Variants in ETNPPL observed in about 807,000 individuals in gnomAD.
ETNPPL encodes the protein alanine--glyoxylate aminotransferase 2-like 1.
A neutral mutation model predicts 55.5 loss-of-function variants in ETNPPL; 30 were observed. The observed-to-expected ratio is 0.54, with a 90% CI of 0.40 to 0.73. ETNPPL has a LOEUF of 0.73. ETNPPL is among the 30% of genes least tolerant of loss of function. The probability of loss-of-function intolerance (pLI) is 0.00; values close to 1 mark genes in which losing one functional copy is unlikely to be tolerated. For missense variants in ETNPPL, 528 were observed against 607.9 expected, an observed-to-expected ratio of 0.87 and a Z score of 1.38; for synonymous variants, 202 against 207.2, an observed-to-expected ratio of 0.98 and a Z score of 0.21.
Position 108,746,797 on chromosome 4 carries a change from G to A in ETNPPL, c.1137C>T (p.Thr379=). ...TGTGCTGAGCTTCAGCTGTGGCAGGGGTCCTTTTCAGATGGTCCTTCACTA... is the reference window on the plus strand; with the variant it reads ...TGTGCTGAGCTTCAGCTGTGGCAGGAGTCCTTTTCAGATGGTCCTTCACTA... The part of the protein sequence containing the change: ...IDLVKDHLKR[T]PATAEAQHII... The change falls in exon 10 of 13, where the codon ACC becomes ACT. Residue 379 remains threonine (T), a synonymous_variant. Transcript: ENST00000296486. 1 of 1,613,654 alleles carries A rather than the reference G, an allele frequency of 6.2e-7. No individual in the cohort carries two copies. Among genetic ancestry groups the A allele is most frequent in the South Asian group, 1.1e-5 (1 of 91,060 alleles).
At chr4:108,750,484 C>T (rs182698842) in intron 7 of ETNPPL, among the ~76,000 whole-genome samples, 1 of 133,714 alleles carries the variant, frequency 7.5e-6, no homozygotes, top group African/African-American at 2.9e-5. Flanking sequence ...TAAGTTAATA[C>T]TTAATACCGC....
At chr4:108,749,130 G>T in intron 8 of ETNPPL, 108 bp downstream of exon 8, 1 of 730,936 alleles carries the variant, frequency 1.4e-6, no homozygotes, top group South Asian at 1.9e-5. Flanking sequence ...CAGAGTTCTG[G>T]GTGGTTAGCC....
chr4:108,754,229 C>T (rs182411011), intron 5 of ETNPPL, among the ~76,000 whole-genome samples: 267 of 152,122 alleles, frequency 1.8e-3, no homozygotes, highest in African/African-American at 5.9e-3. Context: ...CCGCCCACCT[C>T]GGCCTCCCAA....
chr4:108,754,774 A>T, intron 4 of ETNPPL, 64 bp from the exon 5 acceptor site: 3 of 987,334 alleles, frequency 3.0e-6, no homozygotes, highest in Non-Finnish European at 4.8e-6. Context: ...TTTCAAGTAT[A>T]TGAAAACCAG....
chr4:108,743,757 T>A lies in ETNPPL; in HGVS notation c.1371+32A>T, dbSNP rs911259455. ...TTAAACATTCCCCAAATTTTAAACT[T>A]TCCCCCTAAAAATAAAGTAGCCAAC... On this transcript the variant is annotated intron_variant, in intron 12 of 12. Transcript: ENST00000296486. 14 of 1,470,402 alleles carry A rather than the reference T, an allele frequency of 9.5e-6. No individual in the cohort carries two copies. The East Asian group carries it at 2.9e-4, about 31-fold the overall frequency. 91.1% of individuals were successfully genotyped at this position (1,470,402 alleles called of 1,614,324 possible).
Position 108,753,023 on chromosome 4 carries a change from A to G in ETNPPL, c.502-12T>C. 6.8e-7 allele frequency: 1 copy of G among 1,472,230 alleles called. No individual in the cohort carries two copies. Among genetic ancestry groups the G allele is most frequent in the Non-Finnish European group, 9.4e-7 (1 of 1,062,906 alleles). The allele number at this position is 1,472,230 out of a possible 1,614,324, so 91.2% of individuals were successfully genotyped here. On this transcript the variant is annotated splice_polypyrimidine_tract_variant and intron_variant, in intron 5 of 12. Coordinates refer to ENST00000296486, the MANE Select transcript of ETNPPL (RefSeq NM_031279.4). ...TCTGGAGTTGGTGCCTGAAAACATC[A>G]AATAATGCAGTTGCTTGTAATTTGC...
Position 108,746,809 on chromosome 4 carries a change from A to T in ETNPPL, c.1125T>A (p.His375Gln). The stretch of plus-strand genomic sequence containing the variant: ...CAGCTGTGGCAGGGGTCCTTTTCAG[A>T]TGGTCCTTCACTAAATCAATTCCAA... ...LFIGIDLVKDHLKRTPATAEA... is the reference protein window; with the variant it reads ...LFIGIDLVKDQLKRTPATAEA... Residue 375 changes from histidine to glutamine, a missense_variant, in exon 10 of 13, where the codon CAT (histidine) becomes CAA (glutamine). Physicochemically the swap from His to Gln is conservative, Grantham distance 24. Transcript: ENST00000296486. 1 of 1,613,944 alleles carries T rather than the reference A, an allele frequency of 6.2e-7. No individual in the cohort carries two copies. Among genetic ancestry groups the T allele is most frequent in the Non-Finnish European group, 8.5e-7 (1 of 1,179,972 alleles).
At chr4:108,742,700 A>C in intron 12 of ETNPPL, 88 bp from the exon 13 acceptor site, 1 of 1,489,338 alleles carries the variant, frequency 6.7e-7, no homozygotes, top group Non-Finnish European at 9.3e-7. Context: ...CACACAAACA[A>C]AGGACACAGA....
intron 3 of ETNPPL, among the ~76,000 whole-genome samples, chr4:108,757,290 T>C (rs1286202146): frequency 6.6e-6 from 1 of 152,232 alleles, no homozygotes; most frequent in Non-Finnish European, 1.5e-5. Flanking sequence ...AGTGGAATGT[T>C]TACTATCCGT....
intron 1 of ETNPPL, 65 bp downstream of exon 1, chr4:108,762,778 T>G (rs1401048511): frequency 6.4e-7 from 1 of 1,560,806 alleles, no homozygotes; most frequent in South Asian, 1.1e-5. Flanking sequence ...CGGCTTTCTC[T>G]CTCCACCTTC....
intron 4 of ETNPPL, among the ~76,000 whole-genome samples, chr4:108,755,964 TA>T (rs1446560431): frequency 1.2e-4 from 19 of 152,386 alleles, no homozygotes; most frequent in South Asian, 6.2e-4. Flanking sequence ...TTTTAAATCT[TA>T]CGTGGCTGCC....
At position 108,746,515 on chromosome 4, in the gene ETNPPL, C is replaced by T. The variant is rs983392345; in HGVS notation, c.1187G>A (p.Arg396Gln). ...QHIIYKMKEK[R>Q]VLLSADGPHR... ...AGGTCCATCGGCACTGAGAAGCACT[C>T]GTTTTTCTTTCATCCTAATTTGTGT... Residue 396 changes from arginine to glutamine, a missense_variant, in exon 11 of 13, where the codon CGA becomes CAA. Physicochemically the swap from Arg to Gln is conservative, Grantham distance 43. Coordinates refer to ENST00000296486, the MANE Select transcript of ETNPPL (RefSeq NM_031279.4). The T allele has an allele frequency of 1.2e-6, 2 of 1,612,474 alleles. No individual in the cohort carries two copies. The highest frequency in any genetic ancestry group is 4.5e-5 in the East Asian group (2 of 44,872).
Position 108,748,025 on chromosome 4 carries a change from G to A in ETNPPL, c.1062C>T (p.His354=). 1.2e-6 allele frequency: 2 copies of A among 1,609,720 alleles called. No individual in the cohort carries two copies. Among genetic ancestry groups the A allele is most frequent in the Non-Finnish European group, 1.7e-6 (2 of 1,178,418 alleles). ...CATACCTAATATCTCCTATCAAAGTGTGTTTAGCCTTCTGTTTTTTCAGTA... is the reference window on the plus strand; with the variant it reads ...CATACCTAATATCTCCTATCAAAGTATGTTTAGCCTTCTGTTTTTTCAGTA... ...TELLKKQKAK[H]TLIGDIRGIG... is the part of the protein sequence containing the mutation. Residue 354 remains histidine, a synonymous_variant, in exon 9 of 13, where the codon CAC becomes CAT. Coordinates refer to ENST00000296486, the MANE Select transcript of ETNPPL (RefSeq NM_031279.4).
intron 12 of ETNPPL, among the ~76,000 whole-genome samples, chr4:108,743,396 G>A (rs1728311416): frequency 1.3e-5 from 2 of 152,190 alleles, no homozygotes. Context: ...TGGCACTTCA[G>A]AACCTCCCTA....
chr4:108,754,845 A>T, intron 4 of ETNPPL, 135 bp from the exon 5 acceptor site: 1 of 634,176 alleles, frequency 1.6e-6, no homozygotes, highest in Admixed American at 3.2e-5. Flanking sequence ...GCCAGATTTG[A>T]CTATATGGGA....
At chr4:108,743,991 T>C (rs530854513) in intron 11 of ETNPPL, 135 bp from the exon 12 acceptor site, 235 of 636,442 alleles carry the variant, frequency 3.7e-4, no homozygotes, top group Non-Finnish European at 5.3e-4. Flanking sequence ...GGCTGGGCGC[T>C]GTGGCTCATG....
At chr4:108,746,918 AC>A in intron 9 of ETNPPL, 67 bp from the exon 10 acceptor site, 1 of 985,642 alleles carries the variant, frequency 1.0e-6, no homozygotes, top group Non-Finnish European at 1.6e-6. Flanking sequence ...AAAAGTTAAC[AC>A]TATCACCAAA....
intron 5 of ETNPPL, among the ~76,000 whole-genome samples, chr4:108,753,784 G>T (rs186466021): frequency 0.076 from 8,893 of 116,884 alleles, 826 homozygotes; most frequent in East Asian, 0.47. Flanking sequence ...AAGAAAGAAA[G>T]AAAGAAAGAA....
At chr4:108,755,677 G>A (rs1419450637) in intron 4 of ETNPPL, among the ~76,000 whole-genome samples, 1 of 152,246 alleles carries the variant, frequency 6.6e-6, no homozygotes, top group East Asian at 1.9e-4. Flanking sequence ...AAAGTTAGTT[G>A]GGCATGGCAG....
Sources: allele counts gnomAD v4.1 joint callset (sites outside exome capture counted in the v4.1 genomes callset), GRCh38; gene constraint gnomAD v4.1.1; transcripts MANE v1.5; gene names NCBI Gene and HGNC (gene_info 2026-07-23, HGNC 2026-07-21).